Variants in TBC1D14 observed in about 807,000 individuals in gnomAD.
TBC1D14 encodes TBC1 domain family member 14, also known as TBC1 domain family, member 14.
TBC1D14 carries 26 observed loss-of-function variants against 79.0 expected under a neutral mutation model. The observed-to-expected ratio is 0.33, with a 90% CI of 0.24 to 0.46. TBC1D14 has a LOEUF of 0.46. Among genes scored for constraint, TBC1D14 ranks in the 20% least tolerant of loss-of-function variants. The probability of loss-of-function intolerance (pLI) is 1.00; values close to 1 mark genes in which losing one functional copy is unlikely to be tolerated. For synonymous variants in TBC1D14, 394 were observed against 349.9 expected, an observed-to-expected ratio of 1.13 and a Z score of -1.40; for missense variants, 769 against 887.6, an observed-to-expected ratio of 0.87 and a Z score of 1.70.
intron 8 of TBC1D14, among the ~76,000 whole-genome samples, chr4:7,005,358 AC>A (rs1313031458): frequency 6.6e-6 from 1 of 152,022 alleles, no homozygotes; most frequent in Non-Finnish European, 1.5e-5. Flanking sequence ...ACATGGCGAG[AC>A]CCCCGTCTCT....
chr4:6,937,931 A>G (rs1022032021), intron 2 of TBC1D14, among the ~76,000 whole-genome samples: 1 of 151,882 alleles, frequency 6.6e-6, no homozygotes, highest in Non-Finnish European at 1.5e-5. Flanking sequence ...ACCACGTCTG[A>G]CGTAGGCTCC....
At chr4:6,935,199 G>A (rs1712189374) in intron 2 of TBC1D14, among the ~76,000 whole-genome samples, 1 of 152,154 alleles carries the variant, frequency 6.6e-6, no homozygotes, top group Admixed American at 6.5e-5. Context: ...CAGAGAATGG[G>A]GTGATAGCTG....
rs1719948214 is a variant in TBC1D14 at position 7,004,132 on chromosome 4, G to A, written c.1271-712G>A. On this transcript the variant is annotated intron_variant, in intron 7 of 13. Coordinates refer to ENST00000409757, the MANE Select transcript of TBC1D14 (RefSeq NM_020773.3). The stretch of plus-strand genomic sequence containing the variant: ...CACTTGTCCTTGAAAGAAGAATGGG[G>A]CACGGATATACCTGTGGAGGTCTGT... 2.0e-5 allele frequency among the ~76,000 whole-genome samples: 3 copies of A among 152,208 alleles called. No homozygotes were observed. The South Asian group carries it at 6.2e-4, about 32-fold the overall frequency.
Position 6,987,206 on chromosome 4 carries a change from G to GCCGCCCCGCC in TBC1D14, c.844-6968_844-6959dup, listed in dbSNP as rs1341419673. The GCCGCCCCGCC allele has an allele frequency of 6.5e-6, 8 of 1,233,584 alleles. No individual in the cohort carries two copies. In the South Asian group the frequency reaches 2.3e-4, roughly 36 times the overall value. 76.4% of individuals were successfully genotyped at this position (1,233,584 alleles called of 1,614,324 possible). A position where few individuals can be genotyped will look rare whatever the true frequency, so the allele number is the denominator to read the frequency against. ...GTGTCTGCGCGCGATTGAGCGGCCT[G>GCCGCCCCGCC]CCGCCCCGCCCCGCCCCGCGAGTCT... On this transcript the variant is annotated intron_variant, in intron 3 of 13. Coordinates refer to ENST00000409757, the MANE Select transcript of TBC1D14 (RefSeq NM_020773.3).
chr4:6,958,170 G>C (rs1240798404), intron 2 of TBC1D14, among the ~76,000 whole-genome samples: 2 of 152,162 alleles, frequency 1.3e-5, no homozygotes, highest in Non-Finnish European at 2.9e-5. Context: ...GGTCAGGCAT[G>C]AGTCAAGTCA....
intron 3 of TBC1D14, chr4:6,987,515 C>T: frequency 3.6e-6 from 2 of 557,898 alleles, no homozygotes; most frequent in East Asian, 3.5e-5. Flanking sequence ...TGTATCTGTC[C>T]TCAACAGCCG....
chr4:6,980,861 G>A (rs1717306863), intron 3 of TBC1D14, among the ~76,000 whole-genome samples: 2 of 150,734 alleles, frequency 1.3e-5, no homozygotes, highest in South Asian at 2.1e-4. Flanking sequence ...GACTACAGGC[G>A]CCCGCCACCA....
intron 1 of TBC1D14, among the ~76,000 whole-genome samples, chr4:6,919,772 C>T (rs1473446661): frequency 2.6e-5 from 4 of 152,028 alleles, no homozygotes; most frequent in Admixed American, 1.3e-4. Context: ...AGGCGTGCGC[C>T]ACCATGCCCA....
intron 2 of TBC1D14, among the ~76,000 whole-genome samples, chr4:6,929,797 T>A (rs1711558360): frequency 6.6e-6 from 1 of 152,230 alleles, no homozygotes; most frequent in Non-Finnish European, 1.5e-5. Flanking sequence ...AGAGTTGAGA[T>A]GAGCAGCTCC....
intron 2 of TBC1D14, among the ~76,000 whole-genome samples, chr4:6,939,518 A>T (rs1052270392): frequency 6.6e-6 from 1 of 151,950 alleles, no homozygotes; most frequent in Non-Finnish European, 1.5e-5. Flanking sequence ...TTGAATTCAG[A>T]CGTCATCCCT....
intron 2 of TBC1D14, among the ~76,000 whole-genome samples, chr4:6,957,759 C>T (rs1402707955): frequency 3.9e-5 from 6 of 152,108 alleles, no homozygotes; most frequent in Non-Finnish European, 8.8e-5. Context: ...AAAAATTAGC[C>T]GAGTGTAGTG....
At chr4:6,979,847 C>A (rs1366363768) in intron 3 of TBC1D14, among the ~76,000 whole-genome samples, 3 of 152,032 alleles carry the variant, frequency 2.0e-5, no homozygotes, top group Non-Finnish European at 4.4e-5. Context: ...TGGGACATTA[C>A]CTAATGAAGA....
intron 3 of TBC1D14, among the ~76,000 whole-genome samples, chr4:6,989,071 T>C (rs1718206997): frequency 6.6e-6 from 1 of 152,120 alleles, no homozygotes. Flanking sequence ...TTGAGAATCA[T>C]GATCCTTTCT....
intron 2 of TBC1D14, among the ~76,000 whole-genome samples, chr4:6,958,017 G>T (rs1164071238): frequency 1.3e-5 from 2 of 150,822 alleles, no homozygotes; most frequent in Non-Finnish European, 2.9e-5. Flanking sequence ...GCGATGTTAA[G>T]CCCACAGTGC....
At chr4:6,988,738 C>T (rs1452285674) in intron 3 of TBC1D14, among the ~76,000 whole-genome samples, 1 of 152,184 alleles carries the variant, frequency 6.6e-6, no homozygotes, top group East Asian at 1.9e-4. Context: ...GAGCCAGAGG[C>T]TCCTTCCTGG....
intron 3 of TBC1D14, among the ~76,000 whole-genome samples, chr4:6,980,589 T>C (rs112951668): frequency 0.01 from 1,534 of 152,030 alleles, 27 homozygotes; most frequent in African/African-American, 0.035. Flanking sequence ...GGCTTTGAAA[T>C]GATCAACAAA....
chr4:6,919,616 CT>C (rs1432883749), intron 1 of TBC1D14, among the ~76,000 whole-genome samples: 3 of 151,886 alleles, frequency 2.0e-5, no homozygotes, highest in South Asian at 2.1e-4. Context: ...TTTTATATTT[CT>C]TTATATTTAT....
At chr4:7,003,300 A>T (rs192904298) in intron 7 of TBC1D14, among the ~76,000 whole-genome samples, 156 of 152,288 alleles carry the variant, frequency 1.0e-3, no homozygotes, top group African/African-American at 3.7e-3. Context: ...CAAATGCCTT[A>T]GTTGGGAAGG....
chr4:6,932,734 C>T (rs556409816), intron 2 of TBC1D14, among the ~76,000 whole-genome samples: 1 of 152,342 alleles, frequency 6.6e-6, no homozygotes, highest in East Asian at 1.9e-4. Flanking sequence ...AAAGGTCATC[C>T]TGCCTCAGCC....
Sources: allele counts gnomAD v4.1 joint callset (sites outside exome capture counted in the v4.1 genomes callset), GRCh38; gene constraint gnomAD v4.1.1; transcripts MANE v1.5; gene names NCBI Gene and HGNC (gene_info 2026-07-23, HGNC 2026-07-21).